The following MTOR variants were observed in gnomAD, a reference collection of about 807,000 sequenced individuals.
The protein encoded by MTOR is serine/threonine-protein kinase mTOR.
In MTOR, 70 loss-of-function variants were observed where a neutral mutation model predicts 319.8. The ratio of observed to expected loss-of-function variants is 0.22; its 90% CI spans 0.18 to 0.27. The LOEUF (loss-of-function observed/expected upper bound fraction) is 0.27, where lower values mean the gene tolerates loss of function less well. Among genes scored for constraint, MTOR ranks in the 10% least tolerant of loss-of-function variants. The pLI, the probability that MTOR is intolerant of heterozygous loss-of-function variation, is 1.00. For synonymous variants in MTOR, 1,183 were observed against 1,211.4 expected (o/e 0.98, Z 0.49); for missense variants, 1,890 against 3,274.4 (o/e 0.58, Z 10.32).
chr1:11,107,244 G>T lies in MTOR; in HGVS notation c.*241C>A. The T allele has an allele frequency of 7.0e-7, 1 of 1,425,812 alleles. No homozygotes were observed. Among genetic ancestry groups the T allele is most frequent in the Non-Finnish European group, 9.2e-7 (1 of 1,083,820 alleles). The allele number at this position is 1,425,812 out of a possible 1,614,324, so 88.3% of individuals were successfully genotyped here. A position where few individuals can be genotyped will look rare whatever the true frequency, so the allele number is the denominator to read the frequency against. On this transcript the variant is annotated 3_prime_UTR_variant, in exon 58 of 58. Transcript: ENST00000361445. ...CAAAATGAATGGCTTGATTTACGTG[G>T]TATTACTATGTTTCACTGTCCTGGG...
intron 4 of MTOR, 144 bp from the exon 5 acceptor site, chr1:11,256,336 G>A (rs1428445279): frequency 1.4e-6 from 2 of 1,444,224 alleles, no homozygotes; most frequent in African/African-American, 2.9e-5. Flanking sequence ...TCTGAGGACA[G>A]AGGAAGGAAA....
At chr1:11,165,215 C>A (rs1050292543) in intron 29 of MTOR, among the ~76,000 whole-genome samples, 4 of 152,148 alleles carry the variant, frequency 2.6e-5, no homozygotes, top group African/African-American at 9.7e-5. Context: ...TCTCACCACT[C>A]CTATTCAACA....
At position 11,139,526 on chromosome 1, in the gene MTOR, C is replaced by T. The variant is rs778847843; in HGVS notation, c.4998+7G>A. 6.2e-7 allele frequency: 1 copy of T among 1,614,142 alleles called. No homozygotes were observed. Among genetic ancestry groups the T allele is most frequent in the Non-Finnish European group, 8.5e-7 (1 of 1,180,036 alleles). On this transcript the variant is annotated splice_region_variant and intron_variant, in intron 35 of 57. Transcript: ENST00000361445. ...CCTGCCCATGTGGGTGGGTGGTTGT[C>T]ACTCACCAGCCTGCCACTCTTGCCG...
chr1:11,225,005 C>A (rs962135925), intron 19 of MTOR, among the ~76,000 whole-genome samples: 2 of 152,092 alleles, frequency 1.3e-5, no homozygotes, highest in African/African-American at 2.4e-5. Context: ...AAAAGTAAAT[C>A]TATAGAGAGA....
rs549073420 is a variant in MTOR, at chr1:11,221,749, T to C, written c.3031-5515A>G. Reference sequence around the variant, plus strand: ...TATACATATATATATTCTATATATATAGAAATACTCTATATAGAGAGCTCT... The same window carrying C: ...TATACATATATATATTCTATATATACAGAAATACTCTATATAGAGAGCTCT... On this transcript the variant is annotated intron_variant, in intron 19 of 57. Coordinates refer to ENST00000361445, the MANE Select transcript of MTOR (RefSeq NM_004958.4). Among the ~76,000 whole-genome samples, 47 of 148,534 alleles carry C rather than the reference T, an allele frequency of 3.2e-4. No homozygotes were observed. In the South Asian group the frequency reaches 5.0e-3, roughly 16 times the overall value.
In MTOR at chr1:11,235,778, T is replaced by C. The variant is rs1312411333; in HGVS notation, c.2209-1513A>G. On this transcript the variant is annotated intron_variant, in intron 13 of 57. Coordinates refer to ENST00000361445, the MANE Select transcript of MTOR (RefSeq NM_004958.4). ...GCGGGCAGACCATGAGGTCAAGAGA[T>C]TGAGACCAGCCTGGCCAACATGGAG... 4.6e-5 allele frequency among the ~76,000 whole-genome samples: 7 copies of C among 152,052 alleles called. No individual in the cohort carries two copies. The South Asian group carries it at 6.2e-4, about 14-fold the overall frequency.
intron 6 of MTOR, among the ~76,000 whole-genome samples, chr1:11,251,614 A>G (rs1216854518): frequency 6.6e-6 from 1 of 151,770 alleles, no homozygotes; most frequent in Non-Finnish European, 1.5e-5. Flanking sequence ...TGAATGAATG[A>G]ACAAATTATG....
intron 32 of MTOR, 173 bp from the exon 33 acceptor site, chr1:11,145,218 T>C (rs1356632238): frequency 1.6e-6 from 1 of 611,674 alleles, no homozygotes; most frequent in African/African-American, 1.8e-5. Context: ...AGAGGAGGTA[T>C]TATCCAATTT....
At chr1:11,195,645 G>A (rs12117032) in intron 28 of MTOR, 8,764 of 153,594 alleles carry the variant, frequency 0.057, 352 homozygotes, top group South Asian at 0.12. Flanking sequence ...TCTGAGCACT[G>A]CCCCTGCTCG....
chr1:11,251,485 A>T (rs1022975327), intron 6 of MTOR, among the ~76,000 whole-genome samples: 4 of 152,012 alleles, frequency 2.6e-5, no homozygotes, highest in Admixed American at 2.6e-4. Context: ...ATAGGTTTTT[A>T]CTTGTATATT....
In MTOR at chr1:11,148,177, A is replaced by G. The variant is rs573990364; in HGVS notation, c.4571-1386T>C. On this transcript the variant is annotated intron_variant, in intron 31 of 57. Transcript: ENST00000361445. ...GGAGCTCCAGCAACCATGCTAGATC[A>G]TGAGGTGAACTTTAAAATGGAGGCA... Among the ~76,000 whole-genome samples, 6 of 152,282 alleles carry G rather than the reference A, an allele frequency of 3.9e-5. 1 individual carries two copies. In the East Asian group the frequency reaches 1.2e-3, roughly 29 times the overall value.
chr1:11,207,818 A>AATAG (rs1646187803), intron 25 of MTOR, among the ~76,000 whole-genome samples: 1 of 152,090 alleles, frequency 6.6e-6, no homozygotes, highest in Admixed American at 6.6e-5. Flanking sequence ...TTCCCAATGA[A>AATAG]ATAGATCTGA....
At chr1:11,141,790 T>C (rs1643719671) in intron 34 of MTOR, among the ~76,000 whole-genome samples, 1 of 149,134 alleles carries the variant, frequency 6.7e-6, no homozygotes, top group African/African-American at 2.4e-5. Flanking sequence ...ATCGAGATCA[T>C]CCTGGCTAAT....
At chr1:11,124,699 A>G (rs930555554) in intron 46 of MTOR, 66 bp from the exon 47 acceptor site, 5 of 1,545,702 alleles carry the variant, frequency 3.2e-6, no homozygotes, top group Non-Finnish European at 4.4e-6. Context: ...TGAGAGCACC[A>G]CTGCATTCAA....
chr1:11,117,644 A>C (rs1642240519), intron 49 of MTOR, among the ~76,000 whole-genome samples: 1 of 152,184 alleles, frequency 6.6e-6, no homozygotes. Context: ...GAGTATAAAG[A>C]TGTTAACAGC....
rs79027318 is a variant in MTOR, at chr1:11,159,144, T to C, written c.4330-1853A>G. On this transcript the variant is annotated intron_variant, in intron 29 of 57. Coordinates refer to ENST00000361445, the MANE Select transcript of MTOR (RefSeq NM_004958.4). ...ACCTGAATACCAGATGTCTGCGGAG[T>C]CCTTGTCTCAATCAGCACTTTCTGG... Among the ~76,000 whole-genome samples, 911 of 152,164 alleles carry C rather than the reference T, an allele frequency of 6.0e-3. 8 individuals are homozygous for C. The highest frequency in any genetic ancestry group is 0.02 in the African/African-American group (845 of 41,508).
rs1394526097 is a variant in MTOR at position 11,133,530 on chromosome 1, C to T, written c.5247-333G>A. ...TTGAGAGTTACTTCTTTATTGATTG[C>T]TATATGGCTTCTCCCTTACTTTTCC... On this transcript the variant is annotated intron_variant, in intron 37 of 57. Coordinates refer to ENST00000361445, the MANE Select transcript of MTOR (RefSeq NM_004958.4). The surrounding 1 kb of genome is among the most constrained non-coding windows in gnomAD (Gnocchi z 4.0). Among the ~76,000 whole-genome samples, 1 of 152,012 alleles carries T rather than the reference C, an allele frequency of 6.6e-6. No individual in the cohort carries two copies. Among genetic ancestry groups the T allele is most frequent in the African/African-American group, 2.4e-5 (1 of 41,384 alleles).
chr1:11,117,320 C>A (rs541842421), intron 49 of MTOR, among the ~76,000 whole-genome samples: 1 of 152,208 alleles, frequency 6.6e-6, no homozygotes, highest in South Asian at 2.1e-4. Context: ...GCCACCATGC[C>A]CAGCTTATTT....
chr1:11,135,479 C>T (rs1412825448), intron 36 of MTOR, among the ~76,000 whole-genome samples: 2 of 152,178 alleles, frequency 1.3e-5, no homozygotes, highest in African/African-American at 2.4e-5. Flanking sequence ...ATCAAGACTT[C>T]AGATAAATAA....
Sources: allele counts gnomAD v4.1 joint callset (sites outside exome capture counted in the v4.1 genomes callset), GRCh38; gene constraint gnomAD v4.1.1; non-coding constraint Gnocchi (gnomAD v3.1); transcripts MANE v1.5; gene names NCBI Gene and HGNC (gene_info 2026-07-23, HGNC 2026-07-21).